Variants in MECOM observed in about 807,000 individuals in gnomAD.
MECOM encodes the protein histone-lysine N-methyltransferase MECOM.
Under a neutral mutation model 116.3 loss-of-function variants are expected in MECOM, and 13 were observed. That is an observed-to-expected ratio of 0.11 (90% CI 0.07 to 0.18). The LOEUF (loss-of-function observed/expected upper bound fraction) is 0.18. Among genes scored for constraint, MECOM ranks in the 10% least tolerant of loss-of-function variants. The probability of loss-of-function intolerance (pLI) is 1.00; values close to 1 mark genes in which losing one functional copy is unlikely to be tolerated. For synonymous variants in MECOM, 528 were observed against 535.2 expected (o/e 0.99, Z 0.19); for missense variants, 1,299 against 1,509.0 (o/e 0.86, Z 2.31).
At chr3:169,436,245 CTTTTTT>C (rs11349670) in intron 1 of MECOM, among the ~76,000 whole-genome samples, 3 of 93,650 alleles carry the variant, frequency 3.2e-5, no homozygotes, top group Admixed American at 2.9e-4. Context: ...GGCTAAATCG[CTTTTTT>C]TTTTTTTTTT....
chr3:169,270,381 C>A (rs1340995747), intron 2 of MECOM, among the ~76,000 whole-genome samples: 5 of 151,912 alleles, frequency 3.3e-5, no homozygotes, highest in African/African-American at 1.2e-4. Context: ...ATATCTATAT[C>A]TGTATCTATC....
At chr3:169,273,749 C>A (rs1759241292) in intron 2 of MECOM, among the ~76,000 whole-genome samples, 1 of 151,992 alleles carries the variant, frequency 6.6e-6, no homozygotes. Context: ...TCAAAGGCCC[C>A]ATAGGGCAGC....
chr3:169,444,333 T>G (rs962837891), intron 1 of MECOM, among the ~76,000 whole-genome samples: 1 of 152,172 alleles, frequency 6.6e-6, no homozygotes, highest in African/African-American at 2.4e-5. Flanking sequence ...CACCCAAATC[T>G]CCACTTGAAT....
At chr3:169,101,912 TA>T in intron 11 of MECOM, 147 bp downstream of exon 11, 2 of 629,208 alleles carry the variant, frequency 3.2e-6, no homozygotes, top group Non-Finnish European at 4.9e-6. Context: ...TATATTTCAC[TA>T]AATGAAGAAC....
At chr3:169,248,603 T>C (rs866403790) in intron 2 of MECOM, among the ~76,000 whole-genome samples, 35 of 152,176 alleles carry the variant, frequency 2.3e-4, no homozygotes, top group African/African-American at 8.2e-4. Context: ...TATGTCCTCA[T>C]ATATTAAAGC....
chr3:169,369,110 A>T (rs1231247014), intron 2 of MECOM, among the ~76,000 whole-genome samples: 1 of 152,002 alleles, frequency 6.6e-6, no homozygotes, highest in Non-Finnish European at 1.5e-5. Context: ...GAAGTACTAG[A>T]GGTTGCCCAA....
intron 1 of MECOM, chr3:169,466,965 A>G (rs1748415299): frequency 6.6e-6 from 1 of 152,194 alleles, no homozygotes; most frequent in Admixed American, 6.6e-5. Flanking sequence ...GTTCTCAACA[A>G]ATGTTGTTGA....
intron 1 of MECOM, among the ~76,000 whole-genome samples, chr3:169,519,737 C>G (rs2109075827): frequency 6.6e-6 from 1 of 152,342 alleles, no homozygotes; most frequent in African/African-American, 2.4e-5. Flanking sequence ...CAGGAAGACT[C>G]CTTTGCCCAT....
At chr3:169,266,274 C>A (rs1462179926) in intron 2 of MECOM, among the ~76,000 whole-genome samples, 1 of 152,182 alleles carries the variant, frequency 6.6e-6, no homozygotes, top group African/African-American at 2.4e-5. Flanking sequence ...TGCCCATAAA[C>A]ACATCTGTTA....
intron 1 of MECOM, among the ~76,000 whole-genome samples, chr3:169,645,638 C>G (rs922726442): frequency 6.6e-6 from 1 of 152,184 alleles, no homozygotes; most frequent in Non-Finnish European, 1.5e-5. Flanking sequence ...TTGAAAATCT[C>G]TCATCTATTG....
At chr3:169,583,965 T>G (rs1322968708) in intron 1 of MECOM, among the ~76,000 whole-genome samples, 1 of 152,206 alleles carries the variant, frequency 6.6e-6, no homozygotes, top group Middle Eastern at 3.2e-3. Context: ...TCTCAAAAAT[T>G]GATCAATTGT....
At chr3:169,145,379 C>T in intron 2 of MECOM, 1 of 267,612 alleles carries the variant, frequency 3.7e-6, no homozygotes, top group Non-Finnish European at 7.1e-6. Context: ...AGATTTCCCC[C>T]CATCCCAGAT....
intron 2 of MECOM, among the ~76,000 whole-genome samples, chr3:169,281,316 CACTT>C (rs1330981024): frequency 2.6e-5 from 4 of 152,092 alleles, no homozygotes; most frequent in Non-Finnish European, 5.9e-5. Flanking sequence ...CTGGTTAAGT[CACTT>C]ACTTATTGAA....
At chr3:169,269,893 A>T (rs1758726607) in intron 2 of MECOM, among the ~76,000 whole-genome samples, 2 of 152,122 alleles carry the variant, frequency 1.3e-5, no homozygotes, top group Non-Finnish European at 1.5e-5. Flanking sequence ...TATGGCAATA[A>T]TTATTCATTA....
intron 1 of MECOM, among the ~76,000 whole-genome samples, chr3:169,396,520 C>T (rs1735045109): frequency 1.3e-5 from 2 of 152,056 alleles, no homozygotes; most frequent in Admixed American, 6.6e-5. Context: ...ATTTTGGATA[C>T]ACTATGTTAA....
At chr3:169,595,564 C>T (rs919564259) in intron 1 of MECOM, among the ~76,000 whole-genome samples, 2 of 152,104 alleles carry the variant, frequency 1.3e-5, no homozygotes, top group African/African-American at 4.8e-5. Flanking sequence ...CCAGAGGAAC[C>T]AGTATACTCA....
In MECOM at chr3:169,659,440, ATTTTTTT is replaced by A. The variant is rs56270349; in HGVS notation, c.37+3889_37+3895del. Reference sequence around the variant, plus strand: ...GTAATTAACCTTCCCCTAAACACAGATTTTTTTTTTTTTTTTTTTTTTTTTTTTTTTT... The same window carrying A: ...GTAATTAACCTTCCCCTAAACACAGATTTTTTTTTTTTTTTTTTTTTTTTT... On this transcript the variant is annotated intron_variant, in intron 1 of 16. Coordinates refer to ENST00000651503, the MANE Select transcript of MECOM (RefSeq NM_004991.4). 8.5e-3 allele frequency among the ~76,000 whole-genome samples: 527 copies of A among 62,072 alleles called. 1 individual carries two copies. The highest frequency in any genetic ancestry group is 0.015 in the Admixed American group (54 of 3,626). 40.7% of individuals were successfully genotyped at this position (62,072 alleles called of 152,430 possible). A position where few individuals can be genotyped will look rare whatever the true frequency, so the allele number is the denominator to read the frequency against.
intron 1 of MECOM, among the ~76,000 whole-genome samples, chr3:169,658,599 C>G (rs1187211528): frequency 6.6e-6 from 1 of 152,246 alleles, no homozygotes; most frequent in African/African-American, 2.4e-5. Context: ...CTGAGCTGAG[C>G]AGCCTGAGGA....
chr3:169,660,511 C>G (rs1235780126), intron 1 of MECOM, among the ~76,000 whole-genome samples: 2 of 152,036 alleles, frequency 1.3e-5, no homozygotes, highest in Non-Finnish European at 2.9e-5. Context: ...AAGGCCAAAT[C>G]AGGACTTAAG....
Sources: allele counts gnomAD v4.1 joint callset (sites outside exome capture counted in the v4.1 genomes callset), GRCh38; gene constraint gnomAD v4.1.1; transcripts MANE v1.5; gene names NCBI Gene and HGNC (gene_info 2026-07-23, HGNC 2026-07-21).